Variants in STK24 observed in about 807,000 individuals in gnomAD.
STK24 encodes serine/threonine-protein kinase 24.
A neutral mutation model predicts 55.6 loss-of-function variants in STK24; 21 were observed. The observed-to-expected ratio is 0.38, with a 90% CI of 0.27 to 0.54. The LOEUF (loss-of-function observed/expected upper bound fraction) is 0.54, where lower values mean the gene tolerates loss of function less well. STK24 is among the 20% of genes least tolerant of loss of function. The probability of loss-of-function intolerance (pLI) is 0.79; values close to 1 mark genes in which losing one functional copy is unlikely to be tolerated. For missense variants in STK24, 383 were observed against 538.4 expected, an observed-to-expected ratio of 0.71 and a Z score of 2.86; for synonymous variants, 200 against 215.2, an observed-to-expected ratio of 0.93 and a Z score of 0.62.
rs778821575 is a variant in STK24, at chr13:98,463,696, G to A, written c.924C>T (p.Ser308=). 6 of 1,613,460 alleles carry A rather than the reference G, an allele frequency of 3.7e-6. No homozygotes were observed. Among genetic ancestry groups the A allele is most frequent in the Admixed American group, 1.7e-5 (1 of 59,950 alleles). The part of the protein sequence containing the change: ...QSHDDSSSED[S]DAETDGQASG... Reference sequence around the variant, plus strand: ...TCACTCAGGGGCCGACTTACGCGTCGGAATCCTCGGAGCTCGAGTCGTCAT... The same window carrying A: ...TCACTCAGGGGCCGACTTACGCGTCAGAATCCTCGGAGCTCGAGTCGTCAT... Residue 308 remains serine, a synonymous_variant, in exon 7 of 11, where the codon TCC becomes TCT. Transcript: ENST00000539966.
chr13:98,492,457 G>C (rs565339853), intron 2 of STK24, among the ~76,000 whole-genome samples: 1 of 152,118 alleles, frequency 6.6e-6, no homozygotes, highest in Non-Finnish European at 1.5e-5. Context: ...GAGAGTCTCC[G>C]GGTATTTAAA....
intron 2 of STK24, among the ~76,000 whole-genome samples, chr13:98,491,795 G>A (rs940136809): frequency 9.2e-5 from 14 of 151,426 alleles, no homozygotes; most frequent in Admixed American, 8.5e-4. Flanking sequence ...ATTGGGATGA[G>A]AAATGAATCC....
intron 2 of STK24, among the ~76,000 whole-genome samples, chr13:98,490,222 C>G (rs1160328202): frequency 6.6e-6 from 1 of 152,212 alleles, no homozygotes; most frequent in African/African-American, 2.4e-5. Context: ...CCTGTGTGCA[C>G]AGATATAAAC....
intron 10 of STK24, chr13:98,454,836 A>T (rs1196604036): frequency 6.6e-6 from 1 of 152,302 alleles, no homozygotes; most frequent in Non-Finnish European, 1.5e-5. Context: ...AAGCACCTCA[A>T]GAGGCAGCTC....
rs1892793753 is a variant in STK24 at position 98,445,796 on chromosome 13, T to G, written c.*7377A>C. The G allele has an allele frequency of 3.8e-6, 1 of 262,804 alleles. No homozygotes were observed. The allele number at this position is 262,804 out of a possible 1,614,324, so 16.3% of individuals were successfully genotyped here. On this transcript the variant is annotated 3_prime_UTR_variant, in exon 11 of 11. Transcript: ENST00000539966. ...GTGATCTCGTCTTCACTAGTTACCC[T>G]GCAACGAGCCTATTTCCAAATAAGC...
chr13:98,515,074 T>C (rs1175586154), intron 2 of STK24, among the ~76,000 whole-genome samples: 8 of 138,892 alleles, frequency 5.8e-5, no homozygotes, highest in African/African-American at 1.1e-4. Flanking sequence ...TCTGATAGAA[T>C]AGCAAGCTCC....
intron 1 of STK24, among the ~76,000 whole-genome samples, chr13:98,567,667 C>T (rs570976615): frequency 1.3e-5 from 2 of 152,236 alleles, no homozygotes; most frequent in Non-Finnish European, 2.9e-5. Flanking sequence ...ATGAAGAGAA[C>T]GGAGGCTCCG....
intron 2 of STK24, among the ~76,000 whole-genome samples, chr13:98,487,759 C>T (rs1024346559): frequency 1.3e-5 from 2 of 152,084 alleles, no homozygotes; most frequent in Admixed American, 6.5e-5. Flanking sequence ...CCATTTTTCG[C>T]TCTGACGGCC....
chr13:98,491,236 A>C (rs558941106), intron 2 of STK24, among the ~76,000 whole-genome samples: 1 of 152,266 alleles, frequency 6.6e-6, no homozygotes, highest in Non-Finnish European at 1.5e-5. Context: ...GCTGACCCTA[A>C]ACTAATGTCC....
At chr13:98,510,185 G>GTC (rs1269275629) in intron 2 of STK24, among the ~76,000 whole-genome samples, 7 of 152,248 alleles carry the variant, frequency 4.6e-5, no homozygotes, top group Non-Finnish European at 1.0e-4. Context: ...TGGCCAGGTA[G>GTC]TCAGACAAGA....
intron 2 of STK24, among the ~76,000 whole-genome samples, chr13:98,514,898 A>T (rs1896002714): frequency 6.6e-6 from 1 of 152,134 alleles, no homozygotes; most frequent in Non-Finnish European, 1.5e-5. Flanking sequence ...AATCTACTAC[A>T]TGCCAGCACT....
intron 5 of STK24, among the ~76,000 whole-genome samples, chr13:98,472,383 G>A (rs992528982): frequency 1.4e-4 from 22 of 152,170 alleles, no homozygotes; most frequent in African/African-American, 4.8e-4. Context: ...AAGGAAGGTG[G>A]GTGCGGATGG....
Position 98,448,616 on chromosome 13 carries a change from A to G in STK24, c.*4557T>C. 5.7e-6 allele frequency: 2 copies of G among 353,446 alleles called. No individual in the cohort carries two copies. The highest frequency in any genetic ancestry group is 1.0e-5 in the Non-Finnish European group (2 of 192,158). 21.9% of individuals were successfully genotyped at this position (353,446 alleles called of 1,614,324 possible). ...CATCTTCCCTCCACCCTGCCCCTGAAAAACAGTACACACACATCCGTTCAA... is the reference window on the plus strand; with the variant it reads ...CATCTTCCCTCCACCCTGCCCCTGAGAAACAGTACACACACATCCGTTCAA... On this transcript the variant is annotated 3_prime_UTR_variant, in exon 11 of 11. Transcript: ENST00000539966.
chr13:98,461,717 C>T, intron 8 of STK24, 57 bp downstream of exon 8: 1 of 1,594,242 alleles, frequency 6.3e-7, no homozygotes, highest in Non-Finnish European at 8.6e-7. Flanking sequence ...CACACAAGTG[C>T]CTCCAAAACA....
rs753439445 is a variant in STK24, at chr13:98,457,286, C to T, written c.1141G>A (p.Ala381Thr). The T allele has an allele frequency of 6.2e-7, 1 of 1,614,076 alleles. No individual in the cohort carries two copies. Among genetic ancestry groups the T allele is most frequent in the South Asian group, 1.1e-5 (1 of 91,084 alleles). ...LFAELKEKSQACGGNLGSIEE... is the reference protein window; with the variant it reads ...LFAELKEKSQTCGGNLGSIEE... Reference sequence around the variant, plus strand: ...ATGGACCCCAAGTTCCCTCCGCACGCCTGGCTCTTCTCCTTCAACTGAAAA... The same window carrying T: ...ATGGACCCCAAGTTCCCTCCGCACGTCTGGCTCTTCTCCTTCAACTGAAAA... The change falls in exon 10 of 11, where the codon GCG becomes ACG. Residue 381 changes from alanine to threonine, a missense_variant. Transcript: ENST00000539966.
intron 2 of STK24, among the ~76,000 whole-genome samples, chr13:98,494,937 C>G (rs767109811): frequency 6.6e-6 from 1 of 152,174 alleles, no homozygotes; most frequent in Non-Finnish European, 1.5e-5. Context: ...CCGCATCCAG[C>G]ACAGAAGGAA....
At chr13:98,465,994 A>C (rs1893913909) in intron 6 of STK24, among the ~76,000 whole-genome samples, 1 of 152,248 alleles carries the variant, frequency 6.6e-6, no homozygotes, top group Admixed American at 6.5e-5. Context: ...GGAAAGTGAA[A>C]ACATTTACTT....
intron 1 of STK24, among the ~76,000 whole-genome samples, chr13:98,557,765 T>C (rs970173054): frequency 1.3e-5 from 2 of 152,260 alleles, no homozygotes; most frequent in Non-Finnish European, 2.9e-5. Flanking sequence ...TAGGACCTGA[T>C]ATGATCTGGT....
At chr13:98,561,848 G>A (rs1393150959) in intron 1 of STK24, among the ~76,000 whole-genome samples, 1 of 151,554 alleles carries the variant, frequency 6.6e-6, no homozygotes, top group Non-Finnish European at 1.5e-5. Flanking sequence ...GTGGTGGCAC[G>A]TGCCTGTAAT....
Sources: gnomAD v4.1 joint callset for allele counts (sites outside exome capture counted in the v4.1 genomes callset) on GRCh38, gnomAD v4.1.1 for gene constraint, MANE v1.5 for transcripts, NCBI Gene and HGNC (gene_info 2026-07-23, HGNC 2026-07-21) for gene names.